The following CENPI variants were observed in gnomAD, a reference collection of about 807,000 sequenced individuals.
The protein encoded by CENPI is FSH primary response 1.
Under a neutral mutation model 60.4 loss-of-function variants are expected in CENPI, and 4 were observed. The ratio of observed to expected loss-of-function variants is 0.07; its 90% confidence interval spans 0.03 to 0.15. CENPI has a LOEUF of 0.15. Ranked by LOEUF, CENPI falls within the 10% of genes least tolerant of loss-of-function variation. The probability of loss-of-function intolerance (pLI) is 1.00; values close to 1 mark genes in which losing one functional copy is unlikely to be tolerated. For synonymous variants in CENPI, 157 were observed against 189.4 expected (o/e 0.83, Z 1.40); for missense variants, 444 against 534.5 (o/e 0.83, Z 1.67).
chrX:101,178,398 C>CTTTTTTTTTTTTTTTTTTTTTTT, the CENPI span, among the ~76,000 whole-genome samples: 17 of 39,970 alleles, frequency 4.3e-4, 1 homozygote, highest in East Asian at 7.4e-4. Flanking sequence ...TTTTCTTCTT[C>CTTTTTTTTTTTTTTTTTTTTTTT]TTTTTTTTTT....
intron 8 of CENPI, among the ~76,000 whole-genome samples, chrX:101,122,304 A>T (rs1386311795): frequency 9.0e-6 from 1 of 111,675 alleles, no homozygotes; most frequent in Admixed American, 9.6e-5. Context: ...GCCTACCTAT[A>T]GGCATTTATT....
At chrX:101,105,239 T>C (rs1467561161) in intron 4 of CENPI, among the ~76,000 whole-genome samples, 4 of 111,192 alleles carry the variant, frequency 3.6e-5, no homozygotes, top group African/African-American at 1.3e-4. Context: ...ATATATGGAG[T>C]AGGGGCCGGG....
Position 101,108,383 on chromosome X carries a change from A to T in CENPI, c.365-1090A>T, listed in dbSNP as rs183390660. On this transcript the variant is annotated intron_variant, in intron 4 of 21. Coordinates refer to ENST00000682095, the MANE Select transcript of CENPI (RefSeq NM_001386188.2). ...TAATCTTTTTTTTTTTCCCATAGAG[A>T]CGGGGTCCTGCTATGTTGCCCAGGC... Among the ~76,000 whole-genome samples the T allele has an allele frequency of 2.8e-5, 3 of 108,787 alleles. No homozygotes were observed. In the Admixed American group the frequency reaches 3.0e-4, roughly 11 times the overall value. The allele number at this position is 108,787 out of a possible 115,157, so 94.5% of individuals were successfully genotyped here.
chrX:101,112,013 A>G (rs1382667548), intron 6 of CENPI, among the ~76,000 whole-genome samples: 4 of 111,660 alleles, frequency 3.6e-5, no homozygotes. Context: ...GCCTGGCGAC[A>G]GAGTGAGACT....
intron 20 of CENPI, among the ~76,000 whole-genome samples, chrX:101,155,367 T>G (rs1480910169): frequency 9.1e-6 from 1 of 109,766 alleles, no homozygotes; most frequent in East Asian, 2.9e-4. Context: ...TTTTTGTATT[T>G]TTAGTAGAGA....
At chrX:101,156,863 G>GTA (rs56841992) in intron 20 of CENPI, among the ~76,000 whole-genome samples, 16,302 of 109,524 alleles carry the variant, frequency 0.15, 1,173 homozygotes, top group Non-Finnish European at 0.22. Flanking sequence ...GTATTTCATC[G>GTA]TATATATATA....
downstream of CENPI, among the ~76,000 whole-genome samples, chrX:101,166,280 C>G (rs1346884438): frequency 8.9e-6 from 1 of 111,942 alleles, no homozygotes; most frequent in Admixed American, 9.4e-5. Context: ...CTCAGCCTCC[C>G]GAGTAGCTGG....
rs1006143581 is a variant in CENPI, at chrX:101,164,044, C to T, written c.*1077C>T. Among the ~76,000 whole-genome samples, 1 of 109,764 alleles carries T rather than the reference C, an allele frequency of 9.1e-6. No individual in the cohort carries two copies. Among genetic ancestry groups the T allele is most frequent in the Non-Finnish European group, 1.9e-5 (1 of 52,625 alleles). ...TCAAAAAAAAAAAAAAAAATTACCTCAATGCTATTGAATAATTCTCCCTTC... is the reference window on the plus strand; with the variant it reads ...TCAAAAAAAAAAAAAAAAATTACCTTAATGCTATTGAATAATTCTCCCTTC... On this transcript the variant is annotated 3_prime_UTR_variant, in exon 22 of 22. Coordinates refer to ENST00000682095, the MANE Select transcript of CENPI (RefSeq NM_001386188.2).
intron 6 of CENPI, among the ~76,000 whole-genome samples, chrX:101,113,100 A>G (rs750418980): frequency 1.5e-4 from 16 of 109,765 alleles, no homozygotes; most frequent in Non-Finnish European, 3.0e-4. Context: ...AGTGACTGGC[A>G]TCTGTACCTT....
intron 20 of CENPI, among the ~76,000 whole-genome samples, chrX:101,158,843 C>G (rs868124053): frequency 9.1e-6 from 1 of 110,088 alleles, no homozygotes; most frequent in Non-Finnish European, 1.9e-5. Flanking sequence ...GTTGGTCAGG[C>G]GGGTCTTGAA....
Position 101,132,306 on chromosome X carries a change from T to A in CENPI, c.1404T>A (p.Ser468=), listed in dbSNP as rs2089803187. 2 of 1,192,047 alleles carry A rather than the reference T, an allele frequency of 1.7e-6. No individual in the cohort carries two copies. The highest frequency in any genetic ancestry group is 3.6e-5 in the South Asian group (2 of 55,981). ...LVSWIPFSSF[S]EVKPLLFDHL... ...GCTGGATTCCTTTTAGTAGCTTCTC[T>A]GGTATGTATCATGAAAATTTGGAGT... The change falls in exon 14 of 22, where the codon TCT becomes TCA. Residue 468 remains serine, a splice_region_variant and synonymous_variant. Coordinates refer to ENST00000682095, the MANE Select transcript of CENPI (RefSeq NM_001386188.2).
At chrX:101,117,205 T>C (rs1438341165) in intron 6 of CENPI, among the ~76,000 whole-genome samples, 3 of 111,350 alleles carry the variant, frequency 2.7e-5, no homozygotes, top group African/African-American at 9.8e-5. Flanking sequence ...CATATATATA[T>C]AATTTTTTTT....
intron 17 of CENPI, 143 bp from the exon 18 acceptor site, chrX:101,146,010 T>C: frequency 2.3e-6 from 1 of 429,241 alleles, no homozygotes; most frequent in Non-Finnish European, 3.8e-6. Flanking sequence ...TAAGCCAGCT[T>C]GTAGATGTTT....
At chrX:101,151,778 G>A (rs1160371468) in intron 20 of CENPI, among the ~76,000 whole-genome samples, 2 of 103,571 alleles carry the variant, frequency 1.9e-5, no homozygotes, top group Non-Finnish European at 3.9e-5. Context: ...AGGTTGCAGT[G>A]AGCCGAGATG....
At chrX:101,139,896 A>G (rs1221557207) in intron 15 of CENPI, among the ~76,000 whole-genome samples, 2 of 105,353 alleles carry the variant, frequency 1.9e-5, no homozygotes, top group Non-Finnish European at 3.9e-5. Context: ...GTGCAGTGGC[A>G]CGATCTTGGC....
At chrX:101,156,650 C>A (rs995523116) in intron 20 of CENPI, among the ~76,000 whole-genome samples, 5 of 109,914 alleles carry the variant, frequency 4.5e-5, no homozygotes, top group African/African-American at 1.7e-4. Context: ...TCCCTCACCC[C>A]CTTCCCACCC....
rs2089409528 is a variant in CENPI at position 101,101,082 on chromosome X, A to G, written c.12A>G (p.Gln4=). The G allele has an allele frequency of 8.3e-7, 1 of 1,206,215 alleles. No individual in the cohort carries two copies. Among genetic ancestry groups the G allele is most frequent in the Admixed American group, 2.2e-5 (1 of 45,626 alleles). Residue 4 remains glutamine (Q), a synonymous_variant, in exon 3 of 22, where the codon CAA becomes CAG. Transcript: ENST00000682095. MSP[Q]KRVKNVQAQN... The stretch of plus-strand genomic sequence containing the variant: ...GAACATATGCAGTAATGTCACCTCA[A>G]AAGAGAGTTAAGAACGTCCAGGCAC...
At chrX:101,159,751 C>A (rs764933572) in intron 20 of CENPI, among the ~76,000 whole-genome samples, 2 of 111,608 alleles carry the variant, frequency 1.8e-5, no homozygotes, top group Non-Finnish European at 3.8e-5. Context: ...CATGAGCCAC[C>A]GCACCTGGCT....
At position 101,110,126 on chromosome X, in the gene CENPI, G is replaced by A. The variant is rs751244904; in HGVS notation, c.591+128G>A. 194 of 373,107 alleles carry A rather than the reference G, an allele frequency of 5.2e-4. 1 individual carries two copies. Among genetic ancestry groups the A allele is most frequent in the African/African-American group, 4.3e-3 (165 of 38,388 alleles). 30.7% of individuals were successfully genotyped at this position (373,107 alleles called of 1,213,427 possible). ...ATTTTAAAAATATATCAAACATATA[G>A]AAATGTACCAAGATAACGTAGACAT... On this transcript the variant is annotated intron_variant, in intron 6 of 21. Coordinates refer to ENST00000682095, the MANE Select transcript of CENPI (RefSeq NM_001386188.2).
Sources: allele counts gnomAD v4.1 joint callset (sites outside exome capture counted in the v4.1 genomes callset), GRCh38; gene constraint gnomAD v4.1.1; transcripts MANE v1.5; gene names NCBI Gene and HGNC (gene_info 2026-07-23, HGNC 2026-07-21).